The following PARN variants were observed in gnomAD, a reference collection of about 807,000 sequenced individuals.
PARN encodes poly(A)-specific ribonuclease PARN.
PARN carries 71 observed loss-of-function variants against 102.8 expected under a neutral mutation model. The observed-to-expected ratio is 0.69, with a 90% CI of 0.57 to 0.84. The LOEUF (loss-of-function observed/expected upper bound fraction) is 0.84. Among genes scored for constraint, PARN ranks in the 40% least tolerant of loss-of-function variants. PARN has a pLI of 0.00. For synonymous variants in PARN, 261 were observed against 252.9 expected, an observed-to-expected ratio of 1.03 and a Z score of -0.30; for missense variants, 782 against 760.9, an observed-to-expected ratio of 1.03 and a Z score of -0.33.
intron 18 of PARN, among the ~76,000 whole-genome samples, chr16:14,565,332 G>T (rs1026757193): frequency 6.7e-6 from 1 of 150,072 alleles, no homozygotes; most frequent in Non-Finnish European, 1.5e-5. Context: ...TTGCTGTTTT[G>T]ACAAATAGAG....
intron 22 of PARN, among the ~76,000 whole-genome samples, chr16:14,448,429 G>C (rs1223550764): frequency 6.6e-6 from 1 of 152,080 alleles, no homozygotes; most frequent in Non-Finnish European, 1.5e-5. Context: ...TTACAGGCTT[G>C]AGTTACCACG....
At chr16:14,482,983 G>A (rs1307440578) in intron 21 of PARN, among the ~76,000 whole-genome samples, 156 bp from the exon 22 acceptor site, 2 of 152,074 alleles carry the variant, frequency 1.3e-5, no homozygotes, top group Non-Finnish European at 2.9e-5. Context: ...ATGACCTTGG[G>A]TACACCTGCA....
At chr16:14,592,819 T>A (rs573989676) in intron 13 of PARN, among the ~76,000 whole-genome samples, 1 of 152,248 alleles carries the variant, frequency 6.6e-6, no homozygotes, top group South Asian at 2.1e-4. Flanking sequence ...CCTCTGGCAA[T>A]GGCAGTGACT....
chr16:14,601,493 T>G (rs1297962798), intron 11 of PARN, among the ~76,000 whole-genome samples: 1 of 152,170 alleles, frequency 6.6e-6, no homozygotes, highest in Non-Finnish European at 1.5e-5. Context: ...GTTTCGGTTT[T>G]GCAAGATGAA....
intron 5 of PARN, among the ~76,000 whole-genome samples, chr16:14,622,655 C>A (rs1447502644): frequency 2.0e-5 from 3 of 152,226 alleles, no homozygotes; most frequent in Non-Finnish European, 2.9e-5. Context: ...CAGGCGCCCG[C>A]CCCCACGCCT....
chr16:14,506,373 G>C (rs1964894789), intron 21 of PARN, among the ~76,000 whole-genome samples: 1 of 152,138 alleles, frequency 6.6e-6, no homozygotes, highest in Admixed American at 6.5e-5. Flanking sequence ...GACATTATTA[G>C]GACATTTGGG....
chr16:14,617,460 A>G (rs1971997965), intron 6 of PARN, 130 bp downstream of exon 6: 1 of 641,898 alleles, frequency 1.6e-6, no homozygotes, highest in East Asian at 2.7e-5. Context: ...CTGGCTGCAC[A>G]TGTATGCTGG....
intron 6 of PARN, among the ~76,000 whole-genome samples, chr16:14,613,826 GAGA>G (rs1263979356): frequency 2.0e-5 from 3 of 152,166 alleles, no homozygotes; most frequent in African/African-American, 4.8e-5. Flanking sequence ...ATGATACACG[GAGA>G]AGAATACACA....
At chr16:14,527,440 G>A (rs1193956642) in intron 21 of PARN, among the ~76,000 whole-genome samples, 2 of 152,098 alleles carry the variant, frequency 1.3e-5, no homozygotes, top group Non-Finnish European at 2.9e-5. Context: ...TGCAAATAAA[G>A]CCAATCAAGA....
rs1018702535 is a variant in PARN, at chr16:14,553,722, C to T, written c.1405+343G>A. On this transcript the variant is annotated intron_variant, in intron 20 of 23. Coordinates refer to ENST00000437198, the MANE Select transcript of PARN (RefSeq NM_002582.4). ...ATTAATCTAAAGCAGAGAAGACCTC[C>T]CCTGCCATTATGAAACACACAAACC... is the stretch of plus-strand genomic sequence containing the variant. Among the ~76,000 whole-genome samples, 42 of 152,146 alleles carry T rather than the reference C, an allele frequency of 2.8e-4. 1 individual carries two copies. Among genetic ancestry groups the T allele is most frequent in the African/African-American group, 9.2e-4 (38 of 41,420 alleles).
chr16:14,593,452 G>T, intron 12 of PARN, 74 bp from the exon 13 acceptor site: 2 of 328,824 alleles, frequency 6.1e-6, no homozygotes, highest in South Asian at 2.4e-5. Context: ...GTATAGTTCA[G>T]ATTCCAAGAG....
At chr16:14,447,257 T>C (rs1035835300) in intron 22 of PARN, among the ~76,000 whole-genome samples, 176 bp from the exon 23 acceptor site, 3 of 152,190 alleles carry the variant, frequency 2.0e-5, no homozygotes, top group African/African-American at 4.8e-5. Flanking sequence ...AGTCTGAAAG[T>C]TTACCTATAA....
rs1567277256 is a variant in PARN, at chr16:14,435,895, T to TACAC, written c.*821_*822insGTGT. 22 of 108,168 alleles carry TACAC rather than the reference T, an allele frequency of 2.0e-4. No individual in the cohort carries two copies. Among genetic ancestry groups the TACAC allele is most frequent in the South Asian group, 1.2e-3 (3 of 2,476 alleles). The allele number at this position is 108,168 out of a possible 1,614,324, so 6.7% of individuals were successfully genotyped here. On this transcript the variant is annotated 3_prime_UTR_variant, in exon 24 of 24. Coordinates refer to ENST00000437198, the MANE Select transcript of PARN (RefSeq NM_002582.4). ...GGGACATGTTGTAGATTTGCACGAT[T>TACAC]TCACACACACACACACACACACACA...
In PARN at chr16:14,524,276, G is replaced by A. The variant is rs374740549; in HGVS notation, c.1480+27745C>T. 3.3e-5 allele frequency among the ~76,000 whole-genome samples: 5 copies of A among 152,210 alleles called. No homozygotes were observed. The East Asian group carries it at 9.7e-4, about 29-fold the overall frequency. On this transcript the variant is annotated intron_variant, in intron 21 of 23. Coordinates refer to ENST00000437198, the MANE Select transcript of PARN (RefSeq NM_002582.4). ...TTTTTCTTATTAGTAAGCTCTCGAA[G>A]AACAGCCAAAGTGTGAAGGCAAACC...
intron 18 of PARN, 141 bp downstream of exon 18, chr16:14,580,733 A>G: frequency 1.9e-6 from 1 of 527,846 alleles, no homozygotes; most frequent in Non-Finnish European, 3.5e-6. Context: ...CTACTTTCAA[A>G]AAACATGTGA....
intron 19 of PARN, 48 bp downstream of exon 19, chr16:14,555,606 C>A: frequency 1.2e-6 from 1 of 867,962 alleles, no homozygotes; most frequent in Non-Finnish European, 1.8e-6. Flanking sequence ...CCTTCCAGAC[C>A]ACACACTTAA....
chr16:14,463,846 GGGGGAC>G (rs1282857274), intron 22 of PARN, among the ~76,000 whole-genome samples: 5 of 141,472 alleles, frequency 3.5e-5, no homozygotes, highest in African/African-American at 5.4e-5. Context: ...TTTGGGGGGG[GGGGGAC>G]GACAAGGTCT....
At chr16:14,470,434 G>GATTATTATT (rs1366806023) in intron 22 of PARN, among the ~76,000 whole-genome samples, 3 of 113,978 alleles carry the variant, frequency 2.6e-5, no homozygotes, top group African/African-American at 8.1e-5. Flanking sequence ...TTAGAGTTTG[G>GATTATTATT]ATGATTATTA....
At chr16:14,482,499 T>C (rs1233310227) in intron 22 of PARN, 139 bp downstream of exon 22, 3 of 592,870 alleles carry the variant, frequency 5.1e-6, no homozygotes, top group Non-Finnish European at 8.5e-6. Flanking sequence ...CAGGTCATAG[T>C]CACTTCTGAT....
Sources: gnomAD v4.1 joint callset for allele counts (sites outside exome capture counted in the v4.1 genomes callset) on GRCh38, gnomAD v4.1.1 for gene constraint, MANE v1.5 for transcripts, NCBI Gene and HGNC (gene_info 2026-07-23, HGNC 2026-07-21) for gene names.